Variants in KCNQ5 observed in about 807,000 individuals in gnomAD.
KCNQ5 encodes the protein potassium voltage-gated channel subfamily KQT member 5.
A neutral mutation model predicts 98.2 loss-of-function variants in KCNQ5; 30 were observed. The observed-to-expected ratio is 0.31, with a 90% confidence interval of 0.23 to 0.41. KCNQ5 has a LOEUF of 0.41. KCNQ5 is among the 10% of genes least tolerant of loss of function. The probability of loss-of-function intolerance (pLI) is 1.00; values close to 1 mark genes in which losing one functional copy is unlikely to be tolerated. For missense variants in KCNQ5, 835 were observed against 1,182.5 expected, an observed-to-expected ratio of 0.71 and a Z score of 4.31; for synonymous variants, 458 against 449.4, an observed-to-expected ratio of 1.02 and a Z score of -0.24.
chr6:72,870,046 A>G (rs1205574956), intron 1 of KCNQ5, among the ~76,000 whole-genome samples: 1 of 152,236 alleles, frequency 6.6e-6, no homozygotes, highest in East Asian at 1.9e-4. Flanking sequence ...GCACATGCTC[A>G]TACTGTAAAG....
At chr6:72,756,453 A>G (rs1582231049) in intron 1 of KCNQ5, among the ~76,000 whole-genome samples, 1 of 152,296 alleles carries the variant, frequency 6.6e-6, no homozygotes, top group East Asian at 1.9e-4. Flanking sequence ...TACATTTTAA[A>G]ATGAAGCTTC....
chr6:73,065,676 C>T (rs1251683673), intron 3 of KCNQ5, among the ~76,000 whole-genome samples: 1 of 152,228 alleles, frequency 6.6e-6, no homozygotes, highest in African/African-American at 2.4e-5. Context: ...TCTCTCACTC[C>T]GCTCAAGCTA....
At chr6:73,142,233 G>T (rs906223428) in intron 10 of KCNQ5, among the ~76,000 whole-genome samples, 1 of 151,952 alleles carries the variant, frequency 6.6e-6, no homozygotes, top group Admixed American at 6.6e-5. Flanking sequence ...ACCCTGTACA[G>T]TGTAGGCAGG....
At chr6:72,719,267 A>G (rs954887385) in intron 1 of KCNQ5, among the ~76,000 whole-genome samples, 2 of 152,200 alleles carry the variant, frequency 1.3e-5, no homozygotes, top group African/African-American at 4.8e-5. Context: ...ATGCTCATTG[A>G]GGTGGAAGAC....
chr6:72,933,728 T>A (rs1326857310), intron 1 of KCNQ5, among the ~76,000 whole-genome samples: 1 of 152,204 alleles, frequency 6.6e-6, no homozygotes, highest in Non-Finnish European at 1.5e-5. Context: ...AATTGTTACT[T>A]TCTTTAATTT....
chr6:72,840,043 C>T (rs1776719935), intron 1 of KCNQ5, among the ~76,000 whole-genome samples: 1 of 152,180 alleles, frequency 6.6e-6, no homozygotes, highest in East Asian at 1.9e-4. Context: ...CCAATCTACT[C>T]TGTGTTTTTA....
At chr6:72,671,612 T>G (rs772885186) in intron 1 of KCNQ5, among the ~76,000 whole-genome samples, 23 of 152,176 alleles carry the variant, frequency 1.5e-4, no homozygotes, top group Non-Finnish European at 3.4e-4. Context: ...AAAGCACCAA[T>G]TTTATACAGA....
chr6:72,926,001 C>CT (rs1765403650), intron 1 of KCNQ5, among the ~76,000 whole-genome samples: 2 of 152,268 alleles, frequency 1.3e-5, no homozygotes, highest in South Asian at 4.1e-4. Context: ...CTCTATCTAC[C>CT]TTTGTGAAAA....
At chr6:72,746,803 TAAC>T (rs1482039746) in intron 1 of KCNQ5, among the ~76,000 whole-genome samples, 1 of 152,178 alleles carries the variant, frequency 6.6e-6, no homozygotes, top group Non-Finnish European at 1.5e-5. Flanking sequence ...ACATTAACAT[TAAC>T]AACATCCTTT....
At chr6:72,800,042 T>G (rs2154478584) in intron 1 of KCNQ5, among the ~76,000 whole-genome samples, 1 of 152,314 alleles carries the variant, frequency 6.6e-6, no homozygotes, top group African/African-American at 2.4e-5. Context: ...TACTAGTACC[T>G]TATTGTGTAC....
chr6:72,880,492 A>G (rs2150172289), intron 1 of KCNQ5, among the ~76,000 whole-genome samples: 1 of 152,324 alleles, frequency 6.6e-6, no homozygotes, highest in Non-Finnish European at 1.5e-5. Context: ...AGGTTTTGAC[A>G]TACGAATTTG....
Position 72,727,320 on chromosome 6 carries a change from A to G in KCNQ5, c.398+104733A>G, listed in dbSNP as rs114046967. Among the ~76,000 whole-genome samples, 490 of 152,340 alleles carry G rather than the reference A, an allele frequency of 3.2e-3. 4 individuals are homozygous for G. The highest frequency in any genetic ancestry group is 0.011 in the African/African-American group (474 of 41,572). ...ATTTATGAGGAAGTTAAAAATGCAG[A>G]AAATGTCAAGCCCATCTCTGAAGTA... On this transcript the variant is annotated intron_variant, in intron 1 of 13. Coordinates refer to ENST00000370398, the MANE Select transcript of KCNQ5 (RefSeq NM_019842.4).
chr6:72,822,257 A>G (rs750913041), intron 1 of KCNQ5, among the ~76,000 whole-genome samples: 7 of 152,162 alleles, frequency 4.6e-5, no homozygotes, highest in Non-Finnish European at 1.0e-4. Flanking sequence ...TCCTCAGAGG[A>G]AATGTTATCA....
intron 3 of KCNQ5, among the ~76,000 whole-genome samples, chr6:73,065,749 A>AT (rs1471451375): frequency 1.3e-5 from 2 of 151,890 alleles, no homozygotes; most frequent in African/African-American, 4.8e-5. Context: ...GTCTTTTTAT[A>AT]TTTTTTTGCC....
chr6:73,142,423 T>G (rs1385851967), intron 10 of KCNQ5, among the ~76,000 whole-genome samples: 1 of 151,990 alleles, frequency 6.6e-6, no homozygotes, highest in Non-Finnish European at 1.5e-5. Context: ...CTCCGTTACC[T>G]ACCTGCCTTT....
chr6:72,709,927 C>A (rs1379878637), intron 1 of KCNQ5, among the ~76,000 whole-genome samples: 1 of 151,722 alleles, frequency 6.6e-6, no homozygotes, highest in Non-Finnish European at 1.5e-5. Flanking sequence ...AAACAGTAAG[C>A]AAATAAACAA....
chr6:73,014,459 A>C (rs1158062132), intron 2 of KCNQ5, among the ~76,000 whole-genome samples: 1 of 152,080 alleles, frequency 6.6e-6, no homozygotes, highest in Non-Finnish European at 1.5e-5. Flanking sequence ...CTGCTGTGTT[A>C]GAAAGACTCC....
At chr6:73,090,559 C>T (rs1774203010) in intron 5 of KCNQ5, among the ~76,000 whole-genome samples, 1 of 152,160 alleles carries the variant, frequency 6.6e-6, no homozygotes, top group Admixed American at 6.6e-5. Context: ...ATATTTAAGT[C>T]CTTAATCCAC....
At chr6:72,745,752 C>T (rs1344055797) in intron 1 of KCNQ5, among the ~76,000 whole-genome samples, 1 of 152,140 alleles carries the variant, frequency 6.6e-6, no homozygotes, top group South Asian at 2.1e-4. Flanking sequence ...TACTCTCTCA[C>T]AGTACTTGAT....
Sources: gnomAD v4.1 joint callset for allele counts (sites outside exome capture counted in the v4.1 genomes callset) on GRCh38, gnomAD v4.1.1 for gene constraint, MANE v1.5 for transcripts, NCBI Gene and HGNC (gene_info 2026-07-23, HGNC 2026-07-21) for gene names.